CCDC171: variants seen among roughly 807,000 people sequenced by gnomAD.
CCDC171 encodes the protein coiled-coil domain-containing protein 171.
CCDC171 carries 177 observed loss-of-function variants against 168.2 expected under a neutral mutation model. The observed-to-expected ratio is 1.05, with a 90% CI of 0.93 to 1.19. The LOEUF is 1.19. CCDC171 is among the 50% of genes most tolerant of loss of function. The probability of loss-of-function intolerance (pLI) is 0.00; values close to 1 mark genes in which losing one functional copy is unlikely to be tolerated. For synonymous variants in CCDC171, 687 were observed against 540.8 expected (o/e 1.27, Z -3.75); for missense variants, 1,991 against 1,539.0 (o/e 1.29, Z -4.91).
intron 6 of CCDC171, among the ~76,000 whole-genome samples, chr9:16,035,068 A>T (rs1402539489): frequency 1.3e-5 from 2 of 152,232 alleles, no homozygotes; most frequent in Non-Finnish European, 2.9e-5. Flanking sequence ...AATAAATTAT[A>T]TACTGAGAAT....
chr9:15,606,486 G>C (rs146726343), intron 6 of CCDC171, among the ~76,000 whole-genome samples: 37 of 152,198 alleles, frequency 2.4e-4, no homozygotes, highest in African/African-American at 8.2e-4. Context: ...TGCTAGCCTT[G>C]GGGACTTAGA....
intron 7 of CCDC171, among the ~76,000 whole-genome samples, chr9:15,627,854 T>G (rs2045300437): frequency 6.6e-6 from 1 of 152,200 alleles, no homozygotes; most frequent in Non-Finnish European, 1.5e-5. Flanking sequence ...CAGAGCTGAG[T>G]TCAATTCCTG....
chr9:15,906,270 C>G (rs1437046548), intron 24 of CCDC171, among the ~76,000 whole-genome samples: 1 of 152,102 alleles, frequency 6.6e-6, no homozygotes, highest in African/African-American at 2.4e-5. Context: ...TGCAAAAATC[C>G]TCAATAAAAT....
At chr9:15,768,061 G>T (rs1207739555) in intron 18 of CCDC171, among the ~76,000 whole-genome samples, 1 of 149,490 alleles carries the variant, frequency 6.7e-6, no homozygotes, top group Non-Finnish European at 1.5e-5. Flanking sequence ...ATTCCTTGTT[G>T]TCCCGAGCAG....
At position 15,744,534 on chromosome 9, in the gene CCDC171, A is replaced by G. The variant is rs139941420; in HGVS notation, c.2311A>G (p.Thr771Ala). 2 of 1,614,032 alleles carry G rather than the reference A, an allele frequency of 1.2e-6. No homozygotes were observed. Among genetic ancestry groups the G allele is most frequent in the Non-Finnish European group, 1.7e-6 (2 of 1,180,042 alleles). ...TFELFKLEIR[T>A]LAQALSTVEE... ...TGAGTTGTTCAAACTGGAAATTAGA[A>G]CTCTAGCCCAGGCTTTGTCAACTGT... The change falls in exon 17 of 26, where the codon ACT becomes GCT. Residue 771 changes from threonine to alanine, a missense_variant. Thr to Ala is a moderately conservative substitution (Grantham distance 58). Coordinates refer to ENST00000380701, the MANE Select transcript of CCDC171 (RefSeq NM_173550.4).
rs548157641 is a variant in CCDC171 at position 15,824,615 on chromosome 9, A to T, written c.3268-22087A>T. 4.0e-3 allele frequency among the ~76,000 whole-genome samples: 613 copies of T among 152,210 alleles called. 18 individuals are homozygous for T. The East Asian group carries it at 0.051, about 13-fold the overall frequency. On this transcript the variant is annotated intron_variant, in intron 21 of 25. Coordinates refer to ENST00000380701, the MANE Select transcript of CCDC171 (RefSeq NM_173550.4). Reference sequence around the variant, plus strand: ...CTTTCACAGAATTCCTTTTGTAGTTAAAAAACATCTTTTATTAAAATAGAT... The same window carrying T: ...CTTTCACAGAATTCCTTTTGTAGTTTAAAAACATCTTTTATTAAAATAGAT...
At chr9:15,692,667 A>G (rs1451167304) in intron 10 of CCDC171, among the ~76,000 whole-genome samples, 2 of 151,340 alleles carry the variant, frequency 1.3e-5, no homozygotes, top group African/African-American at 4.8e-5. Flanking sequence ...AGCTGGGACT[A>G]CAGGCGCCCG....
At chr9:16,075,122 T>A in the CCDC171 span, among the ~76,000 whole-genome samples, 1 of 152,238 alleles carries the variant, frequency 6.6e-6, no homozygotes, top group Non-Finnish European at 1.5e-5. Context: ...TTGAAATTCA[T>A]ACTTTCCTTC....
At chr9:15,907,929 G>T (rs1822963822) in intron 24 of CCDC171, among the ~76,000 whole-genome samples, 1 of 152,144 alleles carries the variant, frequency 6.6e-6, no homozygotes, top group Non-Finnish European at 1.5e-5. Context: ...GGCCATCAGA[G>T]AAATGCAAAT....
chr9:16,047,750 T>G (rs13291480), intron 1 of CCDC171, among the ~76,000 whole-genome samples: 2,663 of 152,328 alleles, frequency 0.017, 40 homozygotes, highest in South Asian at 0.061. Context: ...GCTTCCTCAA[T>G]TGTAGAATAG....
chr9:16,102,735 G>A, the CCDC171 span, among the ~76,000 whole-genome samples: 7 of 152,022 alleles, frequency 4.6e-5, no homozygotes, highest in Admixed American at 1.3e-4. Context: ...ACAGCTCTTC[G>A]TCCCCCTGGC....
intron 21 of CCDC171, among the ~76,000 whole-genome samples, chr9:15,802,581 A>G (rs1324708382): frequency 1.3e-5 from 2 of 152,154 alleles, no homozygotes; most frequent in African/African-American, 2.4e-5. Flanking sequence ...TGCAAAGGAT[A>G]TGATCCCATT....
At chr9:15,567,523 T>C (rs146440336) in intron 2 of CCDC171, among the ~76,000 whole-genome samples, 238 of 152,312 alleles carry the variant, frequency 1.6e-3, no homozygotes, top group Admixed American at 3.7e-3. Context: ...GTAGAATAAT[T>C]TGGGGAGAAT....
At chr9:16,019,191 G>A (rs1165157388) in intron 3 of CCDC171, among the ~76,000 whole-genome samples, 1 of 152,130 alleles carries the variant, frequency 6.6e-6, no homozygotes, top group Non-Finnish European at 1.5e-5. Flanking sequence ...TCTGAACCCT[G>A]ACCTCTTCTC....
intron 24 of CCDC171, among the ~76,000 whole-genome samples, chr9:15,903,938 C>G (rs1025618432): frequency 1.9e-4 from 29 of 152,032 alleles, no homozygotes; most frequent in Admixed American, 3.3e-4. Context: ...GATGGAAGAT[C>G]AAATGAATGA....
At chr9:15,980,464 G>A (rs1831757215) in intron 3 of CCDC171, among the ~76,000 whole-genome samples, 1 of 152,094 alleles carries the variant, frequency 6.6e-6, no homozygotes, top group East Asian at 1.9e-4. Flanking sequence ...CAGCATCCAA[G>A]TTCTATTTCT....
chr9:15,636,908 A>C (rs894843079), intron 7 of CCDC171, among the ~76,000 whole-genome samples: 1 of 152,072 alleles, frequency 6.6e-6, no homozygotes, highest in African/African-American at 2.4e-5. Context: ...GTACTATGTA[A>C]TAACGAATTT....
intron 7 of CCDC171, among the ~76,000 whole-genome samples, chr9:15,643,873 C>G (rs2046830568): frequency 6.6e-6 from 1 of 152,124 alleles, no homozygotes; most frequent in Admixed American, 6.5e-5. Context: ...TATATGCTTT[C>G]AAGGTTAATC....
At chr9:15,955,590 C>G (rs1316287792) in intron 25 of CCDC171, among the ~76,000 whole-genome samples, 1 of 152,118 alleles carries the variant, frequency 6.6e-6, no homozygotes, top group Non-Finnish European at 1.5e-5. Context: ...CTAAAATTGA[C>G]TGAAATTAAT....
Sources: gnomAD v4.1 joint callset for allele counts (sites outside exome capture counted in the v4.1 genomes callset) on GRCh38, gnomAD v4.1.1 for gene constraint, MANE v1.5 for transcripts, NCBI Gene and HGNC (gene_info 2026-07-23, HGNC 2026-07-21) for gene names.